Variants in CTIF observed in about 807,000 individuals in gnomAD.
The protein encoded by CTIF is CBP80/20-dependent translation initiation factor.
A neutral mutation model predicts 66.0 loss-of-function variants in CTIF; 21 were observed. The observed-to-expected ratio is 0.32, with a 90% CI of 0.23 to 0.46. CTIF has a LOEUF of 0.46. Among genes scored for constraint, CTIF ranks in the 20% least tolerant of loss-of-function variants. The pLI is 1.00. For missense variants in CTIF, 739 were observed against 812.7 expected (o/e 0.91, Z 1.10); for synonymous variants, 345 against 326.4 (o/e 1.06, Z -0.62).
At chr18:48,653,999 G>A (rs1257590253) in intron 3 of CTIF, among the ~76,000 whole-genome samples, 1 of 152,154 alleles carries the variant, frequency 6.6e-6, no homozygotes, top group African/African-American at 2.4e-5. Flanking sequence ...AGACTTAAAT[G>A]TTAGACCTAA....
At chr18:48,714,495 G>A (rs2092260773) in intron 7 of CTIF, among the ~76,000 whole-genome samples, 1 of 152,152 alleles carries the variant, frequency 6.6e-6, no homozygotes, top group South Asian at 2.1e-4. Flanking sequence ...GCTGGAGTTG[G>A]TGTCCGATAG....
chr18:48,654,646 A>G (rs1457689142), intron 3 of CTIF, among the ~76,000 whole-genome samples: 4 of 152,262 alleles, frequency 2.6e-5, no homozygotes, highest in African/African-American at 9.6e-5. Flanking sequence ...AGGATTATAA[A>G]TCATGCTACT....
intron 9 of CTIF, among the ~76,000 whole-genome samples, chr18:48,814,861 T>C (rs2068329711): frequency 6.6e-6 from 1 of 152,018 alleles, no homozygotes. Context: ...TCACCCTGGG[T>C]GAAAGATAAA....
At chr18:48,563,932 A>G (rs2089220609) in intron 1 of CTIF, among the ~76,000 whole-genome samples, 1 of 152,110 alleles carries the variant, frequency 6.6e-6, no homozygotes, top group Non-Finnish European at 1.5e-5. Context: ...CATCAGCACC[A>G]GTCCCCTACC....
At position 48,701,294 on chromosome 18, in the gene CTIF, A is replaced by G. The variant is rs368436909; in HGVS notation, c.508-10325A>G. Among the ~76,000 whole-genome samples the G allele has an allele frequency of 9.4e-4, 143 of 152,242 alleles. 1 individual carries two copies. In the South Asian group the frequency reaches 0.028, roughly 30 times the overall value. On this transcript the variant is annotated intron_variant, in intron 6 of 11. Coordinates refer to ENST00000256413, the MANE Select transcript of CTIF (RefSeq NM_014772.3). Reference sequence around the variant, plus strand: ...TTGAAGGCATTGCCATTTTCAGTTCAGAAGTGTGTCCAGGACCCTTAATAG... The same window carrying G: ...TTGAAGGCATTGCCATTTTCAGTTCGGAAGTGTGTCCAGGACCCTTAATAG...
intron 1 of CTIF, among the ~76,000 whole-genome samples, chr18:48,563,678 G>A (rs996405123): frequency 6.6e-6 from 1 of 152,222 alleles, no homozygotes; most frequent in Non-Finnish European, 1.5e-5. Flanking sequence ...GGCCATGTTG[G>A]CCAGGCTGGT....
At chr18:48,841,177 A>G (rs1303497495) in intron 10 of CTIF, among the ~76,000 whole-genome samples, 2 of 152,148 alleles carry the variant, frequency 1.3e-5, no homozygotes, top group South Asian at 2.1e-4. Context: ...CCCATAAACA[A>G]TCTTCTAAGA....
chr18:48,846,842 AATGGATGGGTGG>A (rs1449003351), intron 10 of CTIF, among the ~76,000 whole-genome samples: 1 of 142,522 alleles, frequency 7.0e-6, no homozygotes, highest in African/African-American at 2.7e-5. Flanking sequence ...TGAATGAAAG[AATGGATGGGTGG>A]ATGGATGGAT....
intron 9 of CTIF, among the ~76,000 whole-genome samples, chr18:48,762,919 A>G (rs1226973348): frequency 2.0e-5 from 3 of 152,146 alleles, no homozygotes; most frequent in Admixed American, 1.3e-4. Flanking sequence ...AGTTGCACTC[A>G]CTGCAACATG....
chr18:48,772,563 C>T (rs1460150705), intron 9 of CTIF, among the ~76,000 whole-genome samples: 1 of 152,194 alleles, frequency 6.6e-6, no homozygotes, highest in Non-Finnish European at 1.5e-5. Flanking sequence ...TTCACCCACT[C>T]TACAAATAGC....
intron 7 of CTIF, among the ~76,000 whole-genome samples, chr18:48,717,418 TA>T (rs917091019): frequency 4.2e-4 from 63 of 149,228 alleles, no homozygotes; most frequent in African/African-American, 1.5e-3. Context: ...AATAAATAAA[TA>T]AATAAATAAA....
At chr18:48,838,442 G>C (rs989248874) in intron 10 of CTIF, among the ~76,000 whole-genome samples, 1 of 152,162 alleles carries the variant, frequency 6.6e-6, no homozygotes, top group Admixed American at 6.5e-5. Flanking sequence ...CTGGGTCCTT[G>C]CACAGGCAGA....
intron 2 of CTIF, chr18:48,621,679 C>A (rs115215033): frequency 2.1e-5 from 6 of 286,038 alleles, no homozygotes; most frequent in Non-Finnish European, 4.1e-5. Context: ...AGCAGGGGGC[C>A]GTGACGGGGA....
intron 6 of CTIF, among the ~76,000 whole-genome samples, chr18:48,697,889 C>G (rs1234395016): frequency 6.6e-6 from 1 of 151,546 alleles, no homozygotes; most frequent in Non-Finnish European, 1.5e-5. Context: ...AAATAGTGAT[C>G]CTGCCGTTGC....
intron 10 of CTIF, among the ~76,000 whole-genome samples, chr18:48,836,128 C>T (rs562698825): frequency 6.6e-6 from 1 of 151,956 alleles, no homozygotes; most frequent in South Asian, 2.1e-4. Context: ...CCAGGCCCCA[C>T]CTCCCTCCTC....
chr18:48,844,165 T>C (rs1337463397), intron 10 of CTIF, among the ~76,000 whole-genome samples: 3 of 152,094 alleles, frequency 2.0e-5, no homozygotes, highest in Non-Finnish European at 4.4e-5. Flanking sequence ...CTGGGGGCAG[T>C]GAGCACAGAA....
At chr18:48,560,976 C>T (rs1241784816) in intron 1 of CTIF, among the ~76,000 whole-genome samples, 2 of 152,154 alleles carry the variant, frequency 1.3e-5, no homozygotes, top group Non-Finnish European at 1.5e-5. Context: ...CAGTGGCTCA[C>T]GCCTGTAATC....
At chr18:48,583,038 A>T (rs752211389) in intron 1 of CTIF, among the ~76,000 whole-genome samples, 4 of 152,158 alleles carry the variant, frequency 2.6e-5, no homozygotes, top group Non-Finnish European at 5.9e-5. Flanking sequence ...TCTCTGCCCC[A>T]TGTCTGCTGT....
chr18:48,693,310 T>A (rs2091959678), intron 6 of CTIF, among the ~76,000 whole-genome samples: 1 of 152,206 alleles, frequency 6.6e-6, no homozygotes, highest in Non-Finnish European at 1.5e-5. Context: ...CTGCTTGTTC[T>A]AAAAATACTC....
Sources: gnomAD v4.1 joint callset for allele counts (sites outside exome capture counted in the v4.1 genomes callset) on GRCh38, gnomAD v4.1.1 for gene constraint, MANE v1.5 for transcripts, NCBI Gene and HGNC (gene_info 2026-07-23, HGNC 2026-07-21) for gene names.